CHD9: variants seen among roughly 807,000 people sequenced by gnomAD.
The protein encoded by CHD9 is ATP-dependent chromatin remodeler CHD9.
A neutral mutation model predicts 316.1 loss-of-function variants in CHD9; 77 were observed. The ratio of observed to expected loss-of-function variants is 0.24; its 90% confidence interval spans 0.20 to 0.29. CHD9 has a LOEUF of 0.29. Ranked by LOEUF, CHD9 falls within the 10% of genes least tolerant of loss-of-function variation. The pLI is 1.00. For synonymous variants in CHD9, 1,129 were observed against 1,158.3 expected (o/e 0.97, Z 0.51); for missense variants, 2,763 against 3,438.1 (o/e 0.80, Z 4.91).
At chr16:53,283,178 A>G (rs2053569666) in intron 24 of CHD9, among the ~76,000 whole-genome samples, 1 of 152,136 alleles carries the variant, frequency 6.6e-6, no homozygotes, top group Non-Finnish European at 1.5e-5. Flanking sequence ...GATCTGGGTT[A>G]GGCACATAAC....
At chr16:53,058,076 T>C (rs1211051963) in intron 1 of CHD9, among the ~76,000 whole-genome samples, 2 of 152,160 alleles carry the variant, frequency 1.3e-5, no homozygotes, top group Non-Finnish European at 2.9e-5. Context: ...TAATGAATAA[T>C]ATGTATATAT....
At chr16:53,083,342 C>T (rs944749736) in intron 1 of CHD9, among the ~76,000 whole-genome samples, 2 of 152,150 alleles carry the variant, frequency 1.3e-5, no homozygotes, top group African/African-American at 4.8e-5. Flanking sequence ...CTCCTCTTAT[C>T]GTCTCCTTCC....
chr16:53,057,608 C>G (rs894890035), intron 1 of CHD9, among the ~76,000 whole-genome samples: 1 of 151,306 alleles, frequency 6.6e-6, no homozygotes, highest in Non-Finnish European at 1.5e-5. Flanking sequence ...GAGCCAAGAT[C>G]ACGCCATTGT....
At chr16:53,184,120 G>T (rs1384679647) in intron 2 of CHD9, among the ~76,000 whole-genome samples, 1 of 151,506 alleles carries the variant, frequency 6.6e-6, no homozygotes, top group East Asian at 1.9e-4. Context: ...AATTTTTTGT[G>T]TTTTTAGTAG....
chr16:53,176,336 C>G (rs887097222), intron 2 of CHD9, among the ~76,000 whole-genome samples: 1 of 152,168 alleles, frequency 6.6e-6, no homozygotes, highest in African/African-American at 2.4e-5. Context: ...TGTTTTTCCT[C>G]CGTCTTCCAC....
intron 24 of CHD9, among the ~76,000 whole-genome samples, chr16:53,279,741 C>A (rs2053224744): frequency 6.6e-6 from 1 of 152,034 alleles, no homozygotes; most frequent in Non-Finnish European, 1.5e-5. Flanking sequence ...AACAGACAAC[C>A]CACAGAGTGG....
At chr16:53,157,833 CAACTT>C (rs1006108034) in intron 2 of CHD9, among the ~76,000 whole-genome samples, 4 of 151,968 alleles carry the variant, frequency 2.6e-5, no homozygotes, top group Admixed American at 2.6e-4. Flanking sequence ...TTATCAAAAA[CAACTT>C]AATAATCATA....
chr16:53,126,167 T>A (rs952604421), intron 1 of CHD9, among the ~76,000 whole-genome samples: 1 of 152,212 alleles, frequency 6.6e-6, no homozygotes, highest in Non-Finnish European at 1.5e-5. Context: ...CTCTTAGAGT[T>A]TTATAGCTTT....
At chr16:53,221,736 G>A (rs1345276676) in intron 3 of CHD9, among the ~76,000 whole-genome samples, 1 of 152,032 alleles carries the variant, frequency 6.6e-6, no homozygotes, top group South Asian at 2.1e-4. Context: ...CTTATGCTTA[G>A]GAACATACAG....
intron 2 of CHD9, among the ~76,000 whole-genome samples, chr16:53,204,518 C>T (rs1262693668): frequency 2.0e-5 from 3 of 152,146 alleles, no homozygotes; most frequent in African/African-American, 7.2e-5. Flanking sequence ...GCATAAGGGT[C>T]TGACACTATC....
intron 2 of CHD9, among the ~76,000 whole-genome samples, chr16:53,200,005 G>A (rs894778866): frequency 2.0e-5 from 3 of 152,128 alleles, no homozygotes; most frequent in African/African-American, 4.8e-5. Flanking sequence ...GGAGGCCGAG[G>A]CGGGTGGGTC....
chr16:53,094,326 G>A (rs116746626), intron 1 of CHD9, among the ~76,000 whole-genome samples: 192 of 152,260 alleles, frequency 1.3e-3, no homozygotes, highest in African/African-American at 4.0e-3. Context: ...AGTCTGTACC[G>A]GGGCAGGTGG....
intron 1 of CHD9, among the ~76,000 whole-genome samples, chr16:53,129,793 G>C (rs1042989453): frequency 1.3e-5 from 2 of 152,194 alleles, no homozygotes; most frequent in East Asian, 1.9e-4. Flanking sequence ...TTTTTAATTC[G>C]GTAGAAAGCC....
chr16:53,304,776 C>T (rs949601461), intron 31 of CHD9, among the ~76,000 whole-genome samples, 151 bp downstream of exon 31: 1 of 147,458 alleles, frequency 6.8e-6, no homozygotes, highest in Non-Finnish European at 1.5e-5. Flanking sequence ...CTCACTTCAA[C>T]CTCCACCTCC....
intron 18 of CHD9, 118 bp downstream of exon 18, chr16:53,254,723 C>A: frequency 1.2e-6 from 1 of 817,986 alleles, no homozygotes; most frequent in Non-Finnish European, 1.8e-6. Flanking sequence ...TTGTTTTCTG[C>A]AGGGGAACAT....
At chr16:53,067,741 G>C (rs1043117943) in intron 1 of CHD9, among the ~76,000 whole-genome samples, 1 of 152,150 alleles carries the variant, frequency 6.6e-6, no homozygotes, top group African/African-American at 2.4e-5. Context: ...TTATTACCAG[G>C]TGGCTAAGGT....
In CHD9 at chr16:53,157,642, T is replaced by G. The variant is rs2041612958; in HGVS notation, c.1452+101T>G. The G allele has an allele frequency of 7.9e-6, 9 of 1,145,394 alleles. No individual in the cohort carries two copies. The South Asian group carries it at 1.4e-4, about 18-fold the overall frequency. The allele number at this position is 1,145,394 out of a possible 1,614,324, so 71.0% of individuals were successfully genotyped here. ...AAACATAGTCAAGATTTCTCAAACT[T>G]GGTAATTCCATTAAGTGAACATACA... On this transcript the variant is annotated intron_variant, in intron 2 of 38. Coordinates refer to ENST00000447540, the MANE Select transcript of CHD9 (RefSeq NM_001308319.2).
chr16:53,096,199 C>T (rs184005468), intron 1 of CHD9, among the ~76,000 whole-genome samples: 23 of 151,944 alleles, frequency 1.5e-4, no homozygotes, highest in African/African-American at 4.8e-4. Flanking sequence ...TTGAGATTAC[C>T]AGCATGAGCC....
intron 2 of CHD9, among the ~76,000 whole-genome samples, chr16:53,188,258 C>T (rs1338259720): frequency 6.6e-6 from 1 of 152,046 alleles, no homozygotes; most frequent in Non-Finnish European, 1.5e-5. Flanking sequence ...CAGTTGTTTC[C>T]ACTTCTTGGC....
Sources: gnomAD v4.1 joint callset for allele counts (sites outside exome capture counted in the v4.1 genomes callset) on GRCh38, gnomAD v4.1.1 for gene constraint, MANE v1.5 for transcripts, NCBI Gene and HGNC (gene_info 2026-07-23, HGNC 2026-07-21) for gene names.